Variants in EFCAB6 observed in about 807,000 individuals in gnomAD.
The protein encoded by EFCAB6 is EF-hand calcium-binding domain-containing protein 6.
In EFCAB6, 156 loss-of-function variants were observed where a neutral mutation model predicts 169.8. That is an observed-to-expected ratio of 0.92 (90% CI 0.81 to 1.05). EFCAB6 has a LOEUF of 1.05. EFCAB6 is among the 50% of genes least tolerant of loss of function. The pLI, the probability that EFCAB6 is intolerant of heterozygous loss-of-function variation, is 0.00. For missense variants in EFCAB6, 1,800 were observed against 1,829.1 expected, an observed-to-expected ratio of 0.98 and a Z score of 0.29; for synonymous variants, 698 against 676.4, an observed-to-expected ratio of 1.03 and a Z score of -0.50.
intron 25 of EFCAB6, among the ~76,000 whole-genome samples, chr22:43,577,898 G>C (rs1023154479): frequency 2.7e-5 from 4 of 150,316 alleles, no homozygotes; most frequent in Non-Finnish European, 5.9e-5. Flanking sequence ...AAAAAAAAAA[G>C]TTTAAAATAG....
chr22:43,753,073 G>C (rs2060827410), intron 6 of EFCAB6, among the ~76,000 whole-genome samples: 1 of 152,192 alleles, frequency 6.6e-6, no homozygotes. Context: ...CCACTTTAGA[G>C]ATGAGGAAAC....
chr22:43,575,311 C>G (rs530842953), intron 26 of EFCAB6, among the ~76,000 whole-genome samples: 1 of 151,440 alleles, frequency 6.6e-6, no homozygotes, highest in South Asian at 2.1e-4. Context: ...CAGCCTCAGC[C>G]TCCTGAGTAG....
intron 24 of EFCAB6, among the ~76,000 whole-genome samples, chr22:43,584,560 A>C (rs1343844405): frequency 6.6e-6 from 1 of 152,056 alleles, no homozygotes; most frequent in African/African-American, 2.4e-5. Context: ...ATCCTGGTGC[A>C]ATATGTCCCC....
chr22:43,757,480 G>A (rs1172188194), intron 5 of EFCAB6, among the ~76,000 whole-genome samples: 1 of 152,110 alleles, frequency 6.6e-6, no homozygotes, highest in Non-Finnish European at 1.5e-5. Context: ...CCGGGAGGCA[G>A]AGGTTGCGGT....
chr22:43,691,659 TAATAA>T (rs1242923138), intron 10 of EFCAB6, among the ~76,000 whole-genome samples: 1 of 152,126 alleles, frequency 6.6e-6, no homozygotes, highest in Non-Finnish European at 1.5e-5. Flanking sequence ...AACAACAGAT[TAATAA>T]AATTATAAAT....
intron 20 of EFCAB6, among the ~76,000 whole-genome samples, chr22:43,624,244 G>T (rs933416049): frequency 1.3e-5 from 2 of 152,160 alleles, no homozygotes; most frequent in African/African-American, 4.8e-5. Context: ...GCTTTGGTTT[G>T]GGTCCACCAG....
At chr22:43,563,562 C>T (rs1731561396) in intron 26 of EFCAB6, among the ~76,000 whole-genome samples, 1 of 152,182 alleles carries the variant, frequency 6.6e-6, no homozygotes, top group Admixed American at 6.5e-5. Context: ...AAGACCCTGT[C>T]TCAAAACAAA....
chr22:43,670,196 T>C (rs1325729396), intron 15 of EFCAB6, among the ~76,000 whole-genome samples: 1 of 152,202 alleles, frequency 6.6e-6, no homozygotes, highest in African/African-American at 2.4e-5. Flanking sequence ...CCTGAGCCTA[T>C]ATGAAAGCAC....
At chr22:43,616,426 G>T (rs1340012948) in intron 20 of EFCAB6, among the ~76,000 whole-genome samples, 1 of 152,232 alleles carries the variant, frequency 6.6e-6, no homozygotes, top group African/African-American at 2.4e-5. Context: ...ACTTTGGGAG[G>T]CCAAGGCGGG....
intron 8 of EFCAB6, among the ~76,000 whole-genome samples, chr22:43,720,739 A>G (rs1458500140): frequency 6.6e-6 from 1 of 152,052 alleles, no homozygotes; most frequent in Non-Finnish European, 1.5e-5. Flanking sequence ...AGGGGGAAAA[A>G]AGATCCTATC....
At chr22:43,783,301 C>A (rs998757030) in intron 2 of EFCAB6, among the ~76,000 whole-genome samples, 1 of 152,086 alleles carries the variant, frequency 6.6e-6, no homozygotes, top group Admixed American at 6.6e-5. Flanking sequence ...AATGAGATGT[C>A]GATAGGGACT....
At chr22:43,687,403 A>G (rs1271681047) in intron 11 of EFCAB6, 68 bp downstream of exon 11, 3 of 939,718 alleles carry the variant, frequency 3.2e-6, no homozygotes, top group Non-Finnish European at 4.7e-6. Context: ...TAGCACAGAT[A>G]TTCTCTGATA....
intron 6 of EFCAB6, among the ~76,000 whole-genome samples, chr22:43,748,476 C>T (rs1359890418): frequency 2.0e-5 from 3 of 152,166 alleles, no homozygotes; most frequent in Non-Finnish European, 4.4e-5. Flanking sequence ...CACATCTCTT[C>T]CCCTATCCCA....
chr22:43,671,660 C>T (rs1194086941), intron 15 of EFCAB6, among the ~76,000 whole-genome samples: 1 of 152,088 alleles, frequency 6.6e-6, no homozygotes, highest in Non-Finnish European at 1.5e-5. Context: ...CATAGAGACC[C>T]AGGAGGGAAC....
At chr22:43,790,137 A>C (rs1348718285) in intron 2 of EFCAB6, among the ~76,000 whole-genome samples, 1 of 152,172 alleles carries the variant, frequency 6.6e-6, no homozygotes, top group Non-Finnish European at 1.5e-5. Flanking sequence ...TCTGCCTTGC[A>C]CTGTACAGTC....
In EFCAB6 at chr22:43,670,078, T is replaced by C. The variant is rs150333383; in HGVS notation, c.1641-1033A>G. ...TTCAGTGATTAACTCAGTTTCTTTATAGCCTTTCTACCAGGCTCTCTGCTA... is the reference window on the plus strand; with the variant it reads ...TTCAGTGATTAACTCAGTTTCTTTACAGCCTTTCTACCAGGCTCTCTGCTA... On this transcript the variant is annotated intron_variant, in intron 15 of 31. Transcript: ENST00000262726. Among the ~76,000 whole-genome samples, 3 of 152,342 alleles carry C rather than the reference T, an allele frequency of 2.0e-5. No homozygotes were observed. The East Asian group carries it at 5.8e-4, about 29-fold the overall frequency.
chr22:43,666,535 G>C (rs111863470), intron 17 of EFCAB6, among the ~76,000 whole-genome samples: 13,132 of 152,192 alleles, frequency 0.086, 715 homozygotes, highest in South Asian at 0.18. Context: ...ATTAGCTAGA[G>C]GGATCGTAAT....
At chr22:43,594,600 T>C (rs1255543232) in intron 23 of EFCAB6, among the ~76,000 whole-genome samples, 1 of 152,214 alleles carries the variant, frequency 6.6e-6, no homozygotes, top group Non-Finnish European at 1.5e-5. Context: ...ATAGTAAACA[T>C]ATGTTCACCT....
At position 43,572,507 on chromosome 22, in the gene EFCAB6, A is replaced by G. The variant is rs1375559339; in HGVS notation, c.3420+3790T>C. ...TCAGAGTCAAAGCCAAAGTCTTTACAAGGACCCCAAGCCTACGGCCGCCTG... is the reference window on the plus strand; with the variant it reads ...TCAGAGTCAAAGCCAAAGTCTTTACGAGGACCCCAAGCCTACGGCCGCCTG... On this transcript the variant is annotated intron_variant, in intron 26 of 31. Transcript: ENST00000262726. This position sits in a 1 kb window ranked among gnomAD's most constrained non-coding sequence, Gnocchi z 4.0. 6.6e-6 allele frequency among the ~76,000 whole-genome samples: 1 copy of G among 152,130 alleles called. No individual in the cohort carries two copies. The highest frequency in any genetic ancestry group is 2.4e-5 in the African/African-American group (1 of 41,426).
Sources: allele counts gnomAD v4.1 joint callset (sites outside exome capture counted in the v4.1 genomes callset), GRCh38; gene constraint gnomAD v4.1.1; non-coding constraint Gnocchi (gnomAD v3.1); transcripts MANE v1.5; gene names NCBI Gene and HGNC (gene_info 2026-07-23, HGNC 2026-07-21).